The following ULK4 variants were observed in gnomAD, a reference collection of about 807,000 sequenced individuals.
The protein encoded by ULK4 is inactive serine/threonine-protein kinase ULK4.
ULK4 carries 133 observed loss-of-function variants against 160.6 expected under a neutral mutation model. The ratio of observed to expected loss-of-function variants is 0.83; its 90% CI spans 0.72 to 0.96. The LOEUF (loss-of-function observed/expected upper bound fraction) is 0.96, where lower values mean the gene tolerates loss of function less well. ULK4 is among the 40% of genes least tolerant of loss of function. The pLI is 0.00. For missense variants in ULK4, 1,580 were observed against 1,499.5 expected, an observed-to-expected ratio of 1.05 and a Z score of -0.89; for synonymous variants, 534 against 539.8, an observed-to-expected ratio of 0.99 and a Z score of 0.15.
intron 31 of ULK4, among the ~76,000 whole-genome samples, chr3:41,590,737 T>C (rs1467317335): frequency 6.6e-6 from 1 of 151,444 alleles, no homozygotes; most frequent in Non-Finnish European, 1.5e-5. Flanking sequence ...GCCAGTGAAC[T>C]TGAAGACCTC....
intron 35 of ULK4, among the ~76,000 whole-genome samples, chr3:41,379,519 A>G (rs2081599702): frequency 6.6e-6 from 1 of 152,208 alleles, no homozygotes; most frequent in African/African-American, 2.4e-5. Context: ...ACGTTAAACA[A>G]GCCTCAATAA....
intron 35 of ULK4, among the ~76,000 whole-genome samples, chr3:41,329,369 C>G (rs1297571605): frequency 6.6e-6 from 1 of 152,146 alleles, no homozygotes; most frequent in African/African-American, 2.4e-5. Context: ...CTAGTGATCT[C>G]TTTGTATTGA....
At chr3:41,582,640 T>C (rs545643852) in intron 31 of ULK4, among the ~76,000 whole-genome samples, 1 of 152,306 alleles carries the variant, frequency 6.6e-6, no homozygotes, top group South Asian at 2.1e-4. Context: ...TGGGCATTGA[T>C]TTCAAACTGA....
intron 33 of ULK4, among the ~76,000 whole-genome samples, chr3:41,459,165 C>T (rs929272503): frequency 6.6e-6 from 1 of 152,156 alleles, no homozygotes; most frequent in Non-Finnish European, 1.5e-5. Context: ...GATTCTCCTG[C>T]TTCAGCCTCC....
chr3:41,408,143 A>T (rs1350231623), intron 34 of ULK4, among the ~76,000 whole-genome samples: 1 of 151,762 alleles, frequency 6.6e-6, no homozygotes, highest in Non-Finnish European at 1.5e-5. Context: ...ATAAAAAAAA[A>T]TTAGGCCAGG....
intron 34 of ULK4, among the ~76,000 whole-genome samples, chr3:41,440,941 T>C (rs1370157696): frequency 6.6e-6 from 1 of 152,132 alleles, no homozygotes; most frequent in Non-Finnish European, 1.5e-5. Context: ...CTATTTATAA[T>C]ATTCCCTTAT....
intron 20 of ULK4, among the ~76,000 whole-genome samples, chr3:41,794,622 C>T (rs961312064): frequency 5.1e-5 from 6 of 117,536 alleles, no homozygotes; most frequent in African/African-American, 1.7e-4. Context: ...GATCACAATA[C>T]TGCACTCCAG....
intron 29 of ULK4, among the ~76,000 whole-genome samples, chr3:41,670,997 A>T (rs1426796504): frequency 6.6e-6 from 1 of 152,076 alleles, no homozygotes; most frequent in Non-Finnish European, 1.5e-5. Flanking sequence ...GACTCAAAAC[A>T]TTATACAATG....
At chr3:41,516,251 G>A (rs2085744336) in intron 32 of ULK4, among the ~76,000 whole-genome samples, 2 of 152,114 alleles carry the variant, frequency 1.3e-5, no homozygotes, top group African/African-American at 2.4e-5. Context: ...TAAACTCTTT[G>A]TGTAACTGGT....
intron 22 of ULK4, among the ~76,000 whole-genome samples, chr3:41,747,096 C>A (rs2038445646): frequency 6.6e-6 from 1 of 151,814 alleles, no homozygotes; most frequent in Non-Finnish European, 1.5e-5. Context: ...GGGATCTAGA[C>A]AGAGTTCTTA....
At chr3:41,558,860 CTATTT>C (rs1213240904) in intron 32 of ULK4, among the ~76,000 whole-genome samples, 56 of 151,704 alleles carry the variant, frequency 3.7e-4, no homozygotes, top group African/African-American at 1.0e-3. Context: ...TTGATAGCTT[CTATTT>C]TATTTTATTT....
chr3:41,883,028 A>G (rs1697580170), intron 17 of ULK4, among the ~76,000 whole-genome samples: 2 of 152,212 alleles, frequency 1.3e-5, no homozygotes, highest in Non-Finnish European at 2.9e-5. Context: ...GCATTTTACT[A>G]GTAACTCAGA....
In ULK4 at chr3:41,715,254, T is replaced by C; in HGVS notation, c.2617A>G (p.Ser873Gly). 2 of 1,613,412 alleles carry C rather than the reference T, an allele frequency of 1.2e-6. No individual in the cohort carries two copies. Among genetic ancestry groups the C allele is most frequent in the South Asian group, 1.1e-5 (1 of 91,014 alleles). ...TTACTCACAAGAATAGTTCCATAGCTGAAAAGAAACTCTTCTGTCACAACT... is the reference window on the plus strand; with the variant it reads ...TTACTCACAAGAATAGTTCCATAGCCGAAAAGAAACTCTTCTGTCACAACT... ...PQVVTEEFLFSYGTILSHIKS... is the reference protein window; with the variant it reads ...PQVVTEEFLFGYGTILSHIKS... Residue 873 changes from serine (S) to glycine (G), a missense_variant, in exon 25 of 37, where the codon AGC (serine) becomes GGC (glycine). Coordinates refer to ENST00000301831, the MANE Select transcript of ULK4 (RefSeq NM_017886.4).
chr3:41,303,040 T>C (rs2079830637), intron 35 of ULK4, among the ~76,000 whole-genome samples: 1 of 152,118 alleles, frequency 6.6e-6, no homozygotes, highest in Non-Finnish European at 1.5e-5. Context: ...AGGAACAAAA[T>C]ATCACATTCA....
chr3:41,515,820 C>A (rs2085730770), intron 32 of ULK4, among the ~76,000 whole-genome samples: 1 of 152,114 alleles, frequency 6.6e-6, no homozygotes, highest in Non-Finnish European at 1.5e-5. Context: ...GAAGACAGAG[C>A]CGAATCATAT....
chr3:41,660,065 G>GT (rs2035092612), intron 30 of ULK4, among the ~76,000 whole-genome samples: 1 of 152,184 alleles, frequency 6.6e-6, no homozygotes, highest in South Asian at 2.1e-4. Flanking sequence ...CAAGGTGGGC[G>GT]TATCACCTGA....
chr3:41,378,153 T>G (rs1575488171), intron 35 of ULK4, among the ~76,000 whole-genome samples: 1 of 145,750 alleles, frequency 6.9e-6, no homozygotes, highest in Admixed American at 7.1e-5. Context: ...ATATTCTCAC[T>G]TATAGGTGGG....
chr3:41,829,723 T>G (rs1376587144), intron 18 of ULK4, among the ~76,000 whole-genome samples: 3 of 151,834 alleles, frequency 2.0e-5, no homozygotes, highest in Non-Finnish European at 4.4e-5. Context: ...TCAACCATTG[T>G]GGAAGTCAGT....
intron 18 of ULK4, among the ~76,000 whole-genome samples, chr3:41,829,438 AT>A (rs1364679442): frequency 3.6e-5 from 5 of 139,342 alleles, no homozygotes; most frequent in African/African-American, 9.1e-5. Flanking sequence ...ATGAACTCAA[AT>A]TTACAAGAAA....
Sources: allele counts gnomAD v4.1 joint callset (sites outside exome capture counted in the v4.1 genomes callset), GRCh38; gene constraint gnomAD v4.1.1; transcripts MANE v1.5; gene names NCBI Gene and HGNC (gene_info 2026-07-23, HGNC 2026-07-21).